The following GRID2 variants were observed in gnomAD, a reference collection of about 807,000 sequenced individuals.
GRID2 encodes the protein glutamate receptor ionotropic, delta-2.
A neutral mutation model predicts 114.8 loss-of-function variants in GRID2; 33 were observed. That is an observed-to-expected ratio of 0.29 (90% confidence interval 0.22 to 0.38). The LOEUF (loss-of-function observed/expected upper bound fraction) is 0.38. GRID2 is among the 10% of genes least tolerant of loss of function. The pLI, the probability that GRID2 is intolerant of heterozygous loss-of-function variation, is 1.00. For missense variants in GRID2, 1,184 were observed against 1,257.7 expected (o/e 0.94, Z 0.89); for synonymous variants, 505 against 449.9 (o/e 1.12, Z -1.55).
intron 1 of GRID2, among the ~76,000 whole-genome samples, chr4:92,543,856 GTTA>G (rs1292026648): frequency 1.3e-5 from 2 of 152,152 alleles, no homozygotes; most frequent in Admixed American, 6.6e-5. Context: ...ATTTTGGTCA[GTTA>G]TTATCAGAGG....
intron 14 of GRID2, among the ~76,000 whole-genome samples, chr4:93,701,444 C>A (rs943781266): frequency 1.3e-5 from 2 of 152,066 alleles, no homozygotes; most frequent in Admixed American, 6.6e-5. Context: ...AGGCTAATTT[C>A]TCTTCTAAAA....
intron 8 of GRID2, among the ~76,000 whole-genome samples, chr4:93,256,210 C>T (rs1012913004): frequency 2.0e-5 from 3 of 151,626 alleles, no homozygotes; most frequent in African/African-American, 7.3e-5. Flanking sequence ...TCAAGGCTTT[C>T]CTTTTCTTTT....
chr4:93,197,126 C>A lies in GRID2; in HGVS notation c.736-10278C>A, dbSNP rs74757929. 1.3e-3 allele frequency among the ~76,000 whole-genome samples: 205 copies of A among 152,222 alleles called. 3 individuals carry two copies. The East Asian group carries it at 0.036, about 27-fold the overall frequency. On this transcript the variant is annotated intron_variant, in intron 4 of 15. Transcript: ENST00000282020. ...CTCTATCAGTTATACAATGGATGCA[C>A]GTAAGTTAACACAGTGGAGTATAAA... is the stretch of plus-strand genomic sequence containing the variant.
chr4:92,317,981 A>G (rs1313610199), intron 1 of GRID2, among the ~76,000 whole-genome samples: 1 of 152,138 alleles, frequency 6.6e-6, no homozygotes, highest in Admixed American at 6.5e-5. Context: ...ACTTTAGATA[A>G]TTATGTATAA....
chr4:93,552,095 A>T (rs983080344), intron 13 of GRID2, among the ~76,000 whole-genome samples: 1 of 134,238 alleles, frequency 7.4e-6, no homozygotes, highest in African/African-American at 2.8e-5. Context: ...TGTTCTCTTT[A>T]TTCAATTCCC....
At chr4:92,589,442 A>G (rs1275753647) in intron 1 of GRID2, among the ~76,000 whole-genome samples, 1 of 152,236 alleles carries the variant, frequency 6.6e-6, no homozygotes, top group African/African-American at 2.4e-5. Flanking sequence ...CAAATATTCC[A>G]TTACCAATCA....
At chr4:93,123,600 AAAT>A (rs1418749243) in intron 4 of GRID2, among the ~76,000 whole-genome samples, 2 of 152,152 alleles carry the variant, frequency 1.3e-5, no homozygotes, top group African/African-American at 4.8e-5. Context: ...GAAGTGTGCA[AAAT>A]AATAAAACCA....
At chr4:92,837,499 G>A (rs1426537583) in intron 2 of GRID2, among the ~76,000 whole-genome samples, 1 of 148,238 alleles carries the variant, frequency 6.7e-6, no homozygotes, top group Non-Finnish European at 1.5e-5. Context: ...AAAAGGCCAT[G>A]TACATTTTTA....
At chr4:92,946,257 C>T (rs1751624501) in intron 2 of GRID2, among the ~76,000 whole-genome samples, 1 of 151,988 alleles carries the variant, frequency 6.6e-6, no homozygotes, top group Non-Finnish European at 1.5e-5. Context: ...ATACCTATTC[C>T]CAAAAGTTAT....
At chr4:92,599,825 G>A (rs972283247) in intron 2 of GRID2, among the ~76,000 whole-genome samples, 2 of 151,698 alleles carry the variant, frequency 1.3e-5, no homozygotes, top group African/African-American at 4.8e-5. Context: ...AAGATATCGA[G>A]ACCATTCTAG....
At chr4:93,094,677 A>C (rs756895060) in intron 3 of GRID2, among the ~76,000 whole-genome samples, 20 of 152,044 alleles carry the variant, frequency 1.3e-4, no homozygotes, top group Non-Finnish European at 2.1e-4. Context: ...CCTAAACATC[A>C]GTCTTCCTCA....
intron 13 of GRID2, among the ~76,000 whole-genome samples, chr4:93,541,559 T>C (rs1259930292): frequency 1.3e-5 from 2 of 152,062 alleles, no homozygotes; most frequent in African/African-American, 4.8e-5. Context: ...GTAAAAATCT[T>C]GCCAAAAAAT....
At chr4:93,579,136 T>C (rs1736723472) in intron 13 of GRID2, among the ~76,000 whole-genome samples, 1 of 152,180 alleles carries the variant, frequency 6.6e-6, no homozygotes, top group Non-Finnish European at 1.5e-5. Context: ...ATTTTTAGAA[T>C]TGTTGCAAAA....
At chr4:92,624,924 A>AT (rs1310662099) in intron 2 of GRID2, among the ~76,000 whole-genome samples, 2 of 151,820 alleles carry the variant, frequency 1.3e-5, no homozygotes, top group East Asian at 3.9e-4. Flanking sequence ...ACATATTGTG[A>AT]TTTCCTCTGG....
At chr4:92,499,742 G>A (rs1723577231) in intron 1 of GRID2, among the ~76,000 whole-genome samples, 1 of 152,132 alleles carries the variant, frequency 6.6e-6, no homozygotes, top group Non-Finnish European at 1.5e-5. Flanking sequence ...AGCCTCCCAA[G>A]TAGCTGGAAT....
intron 8 of GRID2, among the ~76,000 whole-genome samples, chr4:93,326,252 A>G (rs1041344749): frequency 1.3e-5 from 2 of 152,138 alleles, no homozygotes; most frequent in African/African-American, 4.8e-5. Flanking sequence ...TCACCCCATC[A>G]TGGTTACGAT....
intron 2 of GRID2, among the ~76,000 whole-genome samples, chr4:92,667,858 A>G (rs1035757414): frequency 2.0e-5 from 3 of 151,946 alleles, no homozygotes; most frequent in Non-Finnish European, 4.4e-5. Context: ...AAAACAGACA[A>G]CAAGATATAG....
Position 92,493,513 on chromosome 4 carries a change from T to A in GRID2, c.89-96618T>A, listed in dbSNP as rs937689236. Among the ~76,000 whole-genome samples, 4 of 152,144 alleles carry A rather than the reference T, an allele frequency of 2.6e-5. No homozygotes were observed. The East Asian group carries it at 5.8e-4, about 22-fold the overall frequency. On this transcript the variant is annotated intron_variant, in intron 1 of 15. Transcript: ENST00000282020. ...GACTAACCTTCAATTAATGACGGAG[T>A]GTGTCAGCTGCTCTAAACTCAAGTG...
At chr4:93,397,240 A>G (rs1324597640) in intron 9 of GRID2, among the ~76,000 whole-genome samples, 1 of 151,902 alleles carries the variant, frequency 6.6e-6, no homozygotes, top group Non-Finnish European at 1.5e-5. Context: ...TATTATTTTT[A>G]AAAGGGCTTA....
Sources: allele counts gnomAD v4.1 joint callset (sites outside exome capture counted in the v4.1 genomes callset), GRCh38; gene constraint gnomAD v4.1.1; transcripts MANE v1.5; gene names NCBI Gene and HGNC (gene_info 2026-07-23, HGNC 2026-07-21).